Variants in SLC22A15 observed in about 807,000 individuals in gnomAD.
The protein encoded by SLC22A15 is flipt 1.
A neutral mutation model predicts 62.7 loss-of-function variants in SLC22A15; 45 were observed. The observed-to-expected ratio is 0.72, with a 90% CI of 0.56 to 0.92. The LOEUF is 0.92. Among genes scored for constraint, SLC22A15 ranks in the 40% least tolerant of loss-of-function variants. The pLI is 0.00. For missense variants in SLC22A15, 622 were observed against 665.6 expected (o/e 0.93, Z 0.72); for synonymous variants, 264 against 267.0 (o/e 0.99, Z 0.11).
chr1:116,028,147 A>G (rs201460997), intron 5 of SLC22A15, among the ~76,000 whole-genome samples: 1 of 152,192 alleles, frequency 6.6e-6, no homozygotes, highest in Non-Finnish European at 1.5e-5. Flanking sequence ...TGGGGACTAA[A>G]CTGAAATTTT....
intron 8 of SLC22A15, among the ~76,000 whole-genome samples, chr1:116,048,241 A>G (rs528997775): frequency 1.2e-3 from 180 of 152,310 alleles, no homozygotes; most frequent in African/African-American, 4.1e-3. Flanking sequence ...AACACCTGGG[A>G]AGTTCATCAC....
chr1:115,986,611 T>C (rs1286747070), intron 1 of SLC22A15, among the ~76,000 whole-genome samples: 1 of 152,150 alleles, frequency 6.6e-6, no homozygotes, highest in African/African-American at 2.4e-5. Context: ...AAAACTGGAA[T>C]AAGTGTGGAA....
rs1401764715 is a variant in SLC22A15 at position 116,027,005 on chromosome 1, G to A, written c.711G>A (p.Val237=). 1 of 1,613,496 alleles carries A rather than the reference G, an allele frequency of 6.2e-7. No homozygotes were observed. The highest frequency in any genetic ancestry group is 1.3e-5 in the African/African-American group (1 of 74,948). ...LAILVNLQGT[V]VFLLSLFIPE... is the part of the protein sequence containing the mutation. ...TTCTGGTTAACCTGCAGGGAACGGT[G>A]GTCTTTCTCTTATCTTTGTAAGTAG... is the stretch of plus-strand genomic sequence containing the variant. Residue 237 remains valine, a synonymous_variant, in exon 5 of 12, where the codon GTG becomes GTA. Transcript: ENST00000369503.
intron 5 of SLC22A15, among the ~76,000 whole-genome samples, chr1:116,028,357 C>A (rs1657207694): frequency 6.6e-6 from 1 of 151,880 alleles, no homozygotes; most frequent in African/African-American, 2.4e-5. Context: ...TGGGTGCCTA[C>A]TATAGTACTT....
At chr1:116,025,305 A>G (rs1454644623) in intron 4 of SLC22A15, among the ~76,000 whole-genome samples, 1 of 152,182 alleles carries the variant, frequency 6.6e-6, no homozygotes, top group African/African-American at 2.4e-5. Flanking sequence ...TATTCTTGGA[A>G]GCCAGGTGCT....
intron 8 of SLC22A15, among the ~76,000 whole-genome samples, chr1:116,055,944 A>G (rs1658196678): frequency 6.8e-6 from 1 of 146,518 alleles, no homozygotes; most frequent in South Asian, 2.3e-4. Flanking sequence ...CCCACAGGCA[A>G]TATCATACTG....
intron 2 of SLC22A15, among the ~76,000 whole-genome samples, chr1:116,000,313 A>G (rs1655657494): frequency 6.6e-6 from 1 of 152,164 alleles, no homozygotes; most frequent in Non-Finnish European, 1.5e-5. Flanking sequence ...CTTATAACCC[A>G]TTATTCTAAA....
intron 2 of SLC22A15, 59 bp from the exon 3 acceptor site, chr1:116,019,523 T>C: frequency 2.6e-6 from 4 of 1,511,502 alleles, no homozygotes; most frequent in Middle Eastern, 1.8e-4. Flanking sequence ...GTTGCACATT[T>C]GGTTTTTTAA....
chr1:115,997,007 T>A (rs1364893855), intron 2 of SLC22A15, among the ~76,000 whole-genome samples: 2 of 152,096 alleles, frequency 1.3e-5, no homozygotes, highest in African/African-American at 4.8e-5. Context: ...AGCACTGTGC[T>A]GAATAAAATG....
intron 8 of SLC22A15, among the ~76,000 whole-genome samples, chr1:116,053,695 C>T (rs1052850704): frequency 1.3e-5 from 2 of 152,192 alleles, no homozygotes; most frequent in African/African-American, 4.8e-5. Flanking sequence ...ATCAGACTAA[C>T]AGCGGATCTC....
At chr1:116,055,077 A>C (rs1454733366) in intron 8 of SLC22A15, among the ~76,000 whole-genome samples, 6 of 150,862 alleles carry the variant, frequency 4.0e-5, no homozygotes, top group African/African-American at 1.5e-4. Flanking sequence ...AAGGAAATAG[A>C]GACACAAAAA....
intron 2 of SLC22A15, among the ~76,000 whole-genome samples, chr1:116,009,126 G>T (rs1375054015): frequency 6.6e-6 from 1 of 152,086 alleles, no homozygotes; most frequent in East Asian, 1.9e-4. Flanking sequence ...TATTCTCAGA[G>T]CCCCGCAACC....
intron 2 of SLC22A15, among the ~76,000 whole-genome samples, chr1:116,000,967 CT>C (rs897794309): frequency 6.6e-6 from 1 of 151,862 alleles, no homozygotes; most frequent in African/African-American, 2.4e-5. Context: ...CATTAATGTC[CT>C]TTTTTTTCAG....
At chr1:115,982,694 C>T (rs10465605) in intron 1 of SLC22A15, among the ~76,000 whole-genome samples, 34,088 of 151,924 alleles carry the variant, frequency 0.22, 4,384 homozygotes, top group East Asian at 0.47. Flanking sequence ...CTTCTCAAGC[C>T]CAGACTTCTC....
In SLC22A15 at chr1:116,045,870, A is replaced by AT. The variant is rs149958210; in HGVS notation, c.1171+8492dup. On this transcript the variant is annotated intron_variant, in intron 8 of 11. Coordinates refer to ENST00000369503, the MANE Select transcript of SLC22A15 (RefSeq NM_018420.3). ...ATAGAACCACATATATGGTCAATTGATTTTTTTTTTGACAGAGCTGAGGTT... is the reference window on the plus strand; with the variant it reads ...ATAGAACCACATATATGGTCAATTGATTTTTTTTTTTGACAGAGCTGAGGTT... 4.3e-4 allele frequency among the ~76,000 whole-genome samples: 64 copies of AT among 149,824 alleles called. 1 individual carries two copies. Among genetic ancestry groups the AT allele is most frequent in the Admixed American group, 1.7e-3 (26 of 15,004 alleles).
chr1:115,981,840 A>G (rs894909665), intron 1 of SLC22A15, among the ~76,000 whole-genome samples: 2 of 152,226 alleles, frequency 1.3e-5, no homozygotes, highest in Non-Finnish European at 1.5e-5. Flanking sequence ...CTTCCAAGAT[A>G]GCACAAAAAT....
chr1:115,983,902 T>G (rs1365256725), intron 1 of SLC22A15, among the ~76,000 whole-genome samples: 2 of 152,116 alleles, frequency 1.3e-5, no homozygotes, highest in Non-Finnish European at 2.9e-5. Flanking sequence ...GCTCTTTCAC[T>G]TTCACCCCTC....
At chr1:115,999,957 A>C (rs998169168) in intron 2 of SLC22A15, among the ~76,000 whole-genome samples, 3 of 152,146 alleles carry the variant, frequency 2.0e-5, no homozygotes, top group African/African-American at 7.2e-5. Flanking sequence ...GGCATGGAAT[A>C]TCTTTTTCCA....
chr1:116,031,830 C>T (rs1357387752), intron 6 of SLC22A15: 2 of 1,338,828 alleles, frequency 1.5e-6, no homozygotes, highest in Non-Finnish European at 1.9e-6. Flanking sequence ...ACATCAGAAG[C>T]ACATCTTTGC....
Sources: allele counts gnomAD v4.1 joint callset (sites outside exome capture counted in the v4.1 genomes callset), GRCh38; gene constraint gnomAD v4.1.1; transcripts MANE v1.5; gene names NCBI Gene and HGNC (gene_info 2026-07-23, HGNC 2026-07-21).